The following POFUT3 variants were observed in gnomAD, a reference collection of about 807,000 sequenced individuals.
The protein encoded by POFUT3 is protein O-fucosyltransferase 3, also known as GDP-fucose protein O-fucosyltransferase 3.
chr8:33,454,266 C>A, the POFUT3 span, among the ~76,000 whole-genome samples: 13 of 152,286 alleles, frequency 8.5e-5, no homozygotes, highest in African/African-American at 2.9e-4. Context: ...AGGAGAGAAG[C>A]CTCTTTCTTG....
At chr8:33,344,337 T>C in the POFUT3 span, among the ~76,000 whole-genome samples, 1 of 152,234 alleles carries the variant, frequency 6.6e-6, no homozygotes, top group Admixed American at 6.5e-5. Context: ...TTTGGTTCTG[T>C]GCGCCTTGAG....
the POFUT3 span, among the ~76,000 whole-genome samples, chr8:33,431,699 T>A: frequency 6.6e-6 from 1 of 152,000 alleles, no homozygotes; most frequent in Non-Finnish European, 1.5e-5. Context: ...GTTACAGGGC[T>A]GATGTATTAA....
chr8:33,376,888 T>C, the POFUT3 span, among the ~76,000 whole-genome samples: 1 of 152,138 alleles, frequency 6.6e-6, no homozygotes, highest in African/African-American at 2.4e-5. Context: ...GGCTGGTAGG[T>C]ACAGATGCCA....
chr8:33,439,883 G>A, the POFUT3 span, among the ~76,000 whole-genome samples: 2 of 151,718 alleles, frequency 1.3e-5, no homozygotes, highest in Non-Finnish European at 2.9e-5. Flanking sequence ...AGCAAAAAAC[G>A]AAAAAGAATA....
chr8:33,458,485 C>T, the POFUT3 span, among the ~76,000 whole-genome samples: 2 of 152,064 alleles, frequency 1.3e-5, no homozygotes, highest in Non-Finnish European at 2.9e-5. Flanking sequence ...GAGGCCAAGG[C>T]GGGTGAATCA....
At chr8:33,435,157 T>C in the POFUT3 span, among the ~76,000 whole-genome samples, 1 of 152,210 alleles carries the variant, frequency 6.6e-6, no homozygotes, top group African/African-American at 2.4e-5. Flanking sequence ...TACATGCTTT[T>C]TTCTTTTAAT....
the POFUT3 span, among the ~76,000 whole-genome samples, chr8:33,404,323 G>A: frequency 6.8e-6 from 1 of 146,418 alleles, no homozygotes; most frequent in Non-Finnish European, 1.5e-5. Context: ...GGGTGACAGA[G>A]TAAGGCTCTG....
At chr8:33,462,645 G>T in the POFUT3 span, among the ~76,000 whole-genome samples, 2 of 152,148 alleles carry the variant, frequency 1.3e-5, no homozygotes, top group Admixed American at 6.6e-5. Flanking sequence ...TGAACTAAAT[G>T]AGTGCCAGGT....
the POFUT3 span, among the ~76,000 whole-genome samples, chr8:33,438,239 A>G: frequency 1.3e-5 from 2 of 152,176 alleles, no homozygotes; most frequent in African/African-American, 2.4e-5. Flanking sequence ...TAGTACATAT[A>G]TACACCTGTA....
At chr8:33,322,049 T>C in the POFUT3 span, among the ~76,000 whole-genome samples, 2 of 152,052 alleles carry the variant, frequency 1.3e-5, no homozygotes, top group Non-Finnish European at 2.9e-5. Flanking sequence ...CCTCAACAAA[T>C]ACTTAACGGA....
chr8:33,335,155 G>C, the POFUT3 span, among the ~76,000 whole-genome samples: 6 of 143,738 alleles, frequency 4.2e-5, no homozygotes, highest in Admixed American at 6.8e-5. Flanking sequence ...AAATATATGT[G>C]TGTGTGTGTG....
the POFUT3 span, among the ~76,000 whole-genome samples, chr8:33,312,014 G>A: frequency 2.0e-5 from 3 of 152,020 alleles, no homozygotes; most frequent in East Asian, 5.8e-4. Flanking sequence ...CGTAATCCTA[G>A]CCTTTGGGAG....
At chr8:33,365,208 G>A in the POFUT3 span, among the ~76,000 whole-genome samples, 2 of 152,192 alleles carry the variant, frequency 1.3e-5, no homozygotes, top group African/African-American at 4.8e-5. Flanking sequence ...CTAGCTATAT[G>A]TAGAAAGCTG....
the POFUT3 span, among the ~76,000 whole-genome samples, chr8:33,315,636 A>T: frequency 6.6e-6 from 1 of 152,104 alleles, no homozygotes; most frequent in Non-Finnish European, 1.5e-5. Flanking sequence ...GATGGGAACA[A>T]ATGCAAAATG....
the POFUT3 span, among the ~76,000 whole-genome samples, chr8:33,315,524 G>A: frequency 7.8e-3 from 1,192 of 152,178 alleles, 13 homozygotes; most frequent in Non-Finnish European, 8.1e-3. Flanking sequence ...GAACTGTGAC[G>A]GTCGTGAAGA....
chr8:33,319,432 ATT>A, the POFUT3 span, among the ~76,000 whole-genome samples: 2 of 65,654 alleles, frequency 3.0e-5, no homozygotes, highest in Non-Finnish European at 4.9e-5. Context: ...TTATATATAT[ATT>A]TTTTATATAT....
At chr8:33,339,867 T>C in the POFUT3 span, among the ~76,000 whole-genome samples, 1 of 152,104 alleles carries the variant, frequency 6.6e-6, no homozygotes, top group Non-Finnish European at 1.5e-5. Flanking sequence ...CATGTTCAGA[T>C]GAAGGAAAAT....
chr8:33,378,441 ACT>A, the POFUT3 span, among the ~76,000 whole-genome samples: 1 of 151,840 alleles, frequency 6.6e-6, no homozygotes. Flanking sequence ...AGGGGCATAA[ACT>A]CTCCCTCCAA....
chr8:33,364,555 A>C, the POFUT3 span, among the ~76,000 whole-genome samples: 12 of 152,234 alleles, frequency 7.9e-5, no homozygotes, highest in African/African-American at 2.7e-4. Flanking sequence ...CCTTAAGCTC[A>C]TAAGCAACTT....
Sources: allele counts gnomAD v4.1 joint callset (sites outside exome capture counted in the v4.1 genomes callset), GRCh38; gene constraint gnomAD v4.1.1; transcripts MANE v1.5; gene names NCBI Gene and HGNC (gene_info 2026-07-23, HGNC 2026-07-21).